The following SUPT3H variants were observed in gnomAD, a reference collection of about 807,000 sequenced individuals.
The protein encoded by SUPT3H is transcription initiation protein SPT3 homolog.
Under a neutral mutation model 44.3 loss-of-function variants are expected in SUPT3H, and 44 were observed. The observed-to-expected ratio is 0.99, with a 90% CI of 0.78 to 1.28. SUPT3H has a LOEUF of 1.28. Ranked by LOEUF, SUPT3H falls within the 50% of genes most tolerant of loss-of-function variation. SUPT3H has a pLI of 0.00. For missense variants in SUPT3H, 380 were observed against 387.1 expected, an observed-to-expected ratio of 0.98 and a Z score of 0.15; for synonymous variants, 124 against 125.6, an observed-to-expected ratio of 0.99 and a Z score of 0.09.
At position 45,266,573 on chromosome 6, in the gene SUPT3H, TATTAA is replaced by T. The variant is rs1350666014; in HGVS notation, c.101+98623_101+98627del. On this transcript the variant is annotated intron_variant, in intron 2 of 10. Coordinates refer to ENST00000371459, the MANE Select transcript of SUPT3H (RefSeq NM_003599.4). ...TTAACATTTATATGATTTGAATGTA[TATTAA>T]ATTATTAAATATTATGAATAGACAT... Among the ~76,000 whole-genome samples, 6 of 152,082 alleles carry T rather than the reference TATTAA, an allele frequency of 3.9e-5. No individual in the cohort carries two copies. In the East Asian group the frequency reaches 1.2e-3, roughly 29 times the overall value.
intron 2 of SUPT3H, 88 bp from the exon 3 acceptor site, chr6:45,106,094 A>G: frequency 2.8e-6 from 3 of 1,090,258 alleles, no homozygotes; most frequent in Non-Finnish European, 4.1e-6. Flanking sequence ...GAATCAGTTT[A>G]GTAAGGAGAA....
chr6:44,835,217 G>A (rs993703030), intron 10 of SUPT3H, among the ~76,000 whole-genome samples: 2 of 152,066 alleles, frequency 1.3e-5, no homozygotes, highest in Non-Finnish European at 2.9e-5. Context: ...AAATAATATG[G>A]CCTGCGTGGA....
chr6:45,210,361 C>T (rs1482568938), intron 2 of SUPT3H, among the ~76,000 whole-genome samples: 1 of 152,192 alleles, frequency 6.6e-6, no homozygotes, highest in Non-Finnish European at 1.5e-5. Context: ...ATTGCTTTCT[C>T]TGCCCTATTG....
Position 44,953,418 on chromosome 6 carries a change from C to G in SUPT3H, c.694-1G>C, listed in dbSNP as rs1014593657. The G allele has an allele frequency of 3.7e-6, 6 of 1,612,722 alleles. No individual in the cohort carries two copies. The highest frequency in any genetic ancestry group is 5.1e-6 in the Non-Finnish European group (6 of 1,178,896). ...TCACAAGAAGAGCCAGATCCACTAA[C>G]TAGAAGACCAGAAGAATGAAAGTCA... is the stretch of plus-strand genomic sequence containing the variant. On this transcript the variant is annotated splice_acceptor_variant, in intron 8 of 10. Transcript: ENST00000371459. LOFTEE classifies it high-confidence loss of function.
intron 2 of SUPT3H, among the ~76,000 whole-genome samples, chr6:45,192,974 G>A (rs1453817900): frequency 2.6e-5 from 4 of 152,066 alleles, no homozygotes; most frequent in Non-Finnish European, 5.9e-5. Context: ...GTTATGACCA[G>A]CCCGCCCAAA....
chr6:44,904,707 G>A (rs932903516), intron 10 of SUPT3H, among the ~76,000 whole-genome samples: 5 of 152,080 alleles, frequency 3.3e-5, no homozygotes, highest in Non-Finnish European at 5.9e-5. Flanking sequence ...AGCTTGCACC[G>A]CGAAGTCAAT....
Position 44,924,014 on chromosome 6 carries a change from G to A in SUPT3H, c.912+8639C>T, listed in dbSNP as rs114607528. Among the ~76,000 whole-genome samples, 1,414 of 152,066 alleles carry A rather than the reference G, an allele frequency of 9.3e-3. 20 individuals carry two copies. Among genetic ancestry groups the A allele is most frequent in the African/African-American group, 0.033 (1,351 of 41,516 alleles). On this transcript the variant is annotated intron_variant, in intron 10 of 10. Coordinates refer to ENST00000371459, the MANE Select transcript of SUPT3H (RefSeq NM_003599.4). ...TGTCAGAGAAGGATCCTCAGATGAC[G>A]GAGATTTTCTTTGTGACATCTTTAA...
chr6:45,000,955 T>C (rs1781935323), intron 6 of SUPT3H, among the ~76,000 whole-genome samples: 1 of 152,090 alleles, frequency 6.6e-6, no homozygotes, highest in Non-Finnish European at 1.5e-5. Flanking sequence ...CTAGATAGTT[T>C]ACTTGATTAT....
rs74830872 is a variant in SUPT3H, at chr6:45,367,064, A to G, written c.1-1763T>C. Among the ~76,000 whole-genome samples, 500 of 152,322 alleles carry G rather than the reference A, an allele frequency of 3.3e-3. 5 individuals carry two copies. The highest frequency in any genetic ancestry group is 0.012 in the African/African-American group (479 of 41,584). On this transcript the variant is annotated intron_variant, in intron 1 of 10. Transcript: ENST00000371459. ...GGCCCCACGAAAGAAGGTTGGGGAAAAAAAGCTACTACAAATCACTGATGG... is the reference window on the plus strand; with the variant it reads ...GGCCCCACGAAAGAAGGTTGGGGAAGAAAAGCTACTACAAATCACTGATGG...
intron 2 of SUPT3H, among the ~76,000 whole-genome samples, chr6:45,340,612 C>T (rs1451858735): frequency 1.3e-5 from 2 of 152,014 alleles, no homozygotes; most frequent in African/African-American, 4.8e-5. Context: ...GCATAAGCCA[C>T]CGCACCTGGC....
At chr6:45,002,629 G>T (rs1782157002) in intron 6 of SUPT3H, among the ~76,000 whole-genome samples, 1 of 151,862 alleles carries the variant, frequency 6.6e-6, no homozygotes, top group Non-Finnish European at 1.5e-5. Context: ...CATGTTTTTG[G>T]CCCAAGGCAA....
At chr6:44,968,949 A>G (rs1461157304) in intron 6 of SUPT3H, among the ~76,000 whole-genome samples, 7 of 152,102 alleles carry the variant, frequency 4.6e-5, no homozygotes, top group Admixed American at 6.6e-5. Flanking sequence ...CCTTTGTCAT[A>G]TGTGCCATGT....
intron 2 of SUPT3H, among the ~76,000 whole-genome samples, chr6:45,294,721 T>C (rs1425028348): frequency 1.2e-5 from 1 of 84,474 alleles, no homozygotes; most frequent in East Asian, 4.8e-4. Context: ...TCAACCCCTT[T>C]TACAATAGCT....
chr6:44,995,826 CAG>C (rs1254752151), intron 6 of SUPT3H, among the ~76,000 whole-genome samples: 8 of 151,898 alleles, frequency 5.3e-5, no homozygotes, highest in African/African-American at 1.4e-4. Context: ...AGAAACATAA[CAG>C]AGATGGTAAA....
intron 10 of SUPT3H, among the ~76,000 whole-genome samples, chr6:44,895,887 A>T (rs1459609532): frequency 6.6e-6 from 1 of 151,878 alleles, no homozygotes; most frequent in African/African-American, 2.4e-5. Context: ...AAAGTAGGGT[A>T]AAAAAAGTGA....
At chr6:45,164,052 G>A (rs1316874408) in intron 2 of SUPT3H, among the ~76,000 whole-genome samples, 2 of 152,132 alleles carry the variant, frequency 1.3e-5, no homozygotes, top group East Asian at 1.9e-4. Flanking sequence ...CTGAGTAGCT[G>A]ATACACATAT....
chr6:45,248,000 G>A (rs1771673077), intron 2 of SUPT3H, among the ~76,000 whole-genome samples: 1 of 152,054 alleles, frequency 6.6e-6, no homozygotes, highest in Non-Finnish European at 1.5e-5. Flanking sequence ...AACAAATAGT[G>A]CTAGAATAAC....
chr6:45,150,720 G>A (rs955723794), intron 2 of SUPT3H, among the ~76,000 whole-genome samples: 3 of 99,294 alleles, frequency 3.0e-5, no homozygotes, highest in Admixed American at 2.4e-4. Flanking sequence ...TTTATTCTGC[G>A]TTTTTTTTTT....
At chr6:44,990,837 C>G (rs572716029) in intron 6 of SUPT3H, among the ~76,000 whole-genome samples, 1 of 151,994 alleles carries the variant, frequency 6.6e-6, no homozygotes, top group South Asian at 2.1e-4. Context: ...TTTTAAATTA[C>G]TTAAAAGAAC....
Sources: allele counts gnomAD v4.1 joint callset (sites outside exome capture counted in the v4.1 genomes callset), GRCh38; gene constraint gnomAD v4.1.1; transcripts MANE v1.5; gene names NCBI Gene and HGNC (gene_info 2026-07-23, HGNC 2026-07-21).